Variants in DUSP10 observed in about 807,000 individuals in gnomAD.
DUSP10 encodes the protein dual specificity phosphatase 10, also known as dual specificity protein phosphatase 10.
DUSP10 carries 14 observed loss-of-function variants against 30.8 expected under a neutral mutation model. That is an observed-to-expected ratio of 0.46 (90% CI 0.30 to 0.71). The LOEUF is 0.71. Ranked by LOEUF, DUSP10 falls within the 30% of genes least tolerant of loss-of-function variation. DUSP10 has a pLI of 0.08. For missense variants in DUSP10, 550 were observed against 619.4 expected (o/e 0.89, Z 1.19); for synonymous variants, 254 against 250.4 (o/e 1.01, Z -0.14).
At chr1:221,721,107 G>A (rs1661267945) in intron 2 of DUSP10, among the ~76,000 whole-genome samples, 1 of 152,206 alleles carries the variant, frequency 6.6e-6, no homozygotes, top group Non-Finnish European at 1.5e-5. Context: ...GGCAACAATA[G>A]TTATTGCAAG....
At chr1:221,731,242 A>C (rs954210912) in intron 2 of DUSP10, among the ~76,000 whole-genome samples, 1 of 152,158 alleles carries the variant, frequency 6.6e-6, no homozygotes, top group Admixed American at 6.5e-5. Context: ...TGTCCCTTAT[A>C]CTGGTTTTTA....
rs554984357 is a variant in DUSP10, at chr1:221,717,001, T to G, written c.812-10535A>C. On this transcript the variant is annotated intron_variant, in intron 2 of 3. Coordinates refer to ENST00000366899, the MANE Select transcript of DUSP10 (RefSeq NM_007207.6). ...GCTGCAGAGGCCCCTTCCCTGCCCCTCCCCACTCCATCAGGAGGAAACATA... is the reference window on the plus strand; with the variant it reads ...GCTGCAGAGGCCCCTTCCCTGCCCCGCCCCACTCCATCAGGAGGAAACATA... 4.6e-5 allele frequency among the ~76,000 whole-genome samples: 7 copies of G among 152,166 alleles called. No individual in the cohort carries two copies. The South Asian group carries it at 1.2e-3, about 27-fold the overall frequency.
chr1:221,726,115 C>T (rs191972919), intron 2 of DUSP10, among the ~76,000 whole-genome samples: 28 of 152,248 alleles, frequency 1.8e-4, no homozygotes, highest in Middle Eastern at 3.4e-3. Context: ...AAACTCACAA[C>T]TTTGATAGGT....
chr1:221,702,256 A>T lies in DUSP10; in HGVS notation c.*156T>A. ...TGGCATCAAAAGTTATAGTCTTCTT[A>T]CACTTGTTAAAAATAAAGTGTTTAA... On this transcript the variant is annotated 3_prime_UTR_variant, in exon 4 of 4. Coordinates refer to ENST00000366899, the MANE Select transcript of DUSP10 (RefSeq NM_007207.6). The surrounding 1 kb of genome is among the most constrained non-coding windows in gnomAD (Gnocchi z 4.5). 2.4e-6 allele frequency: 2 copies of T among 830,624 alleles called. No homozygotes were observed. The highest frequency in any genetic ancestry group is 3.7e-6 in the Non-Finnish European group (2 of 537,730). The allele number at this position is 830,624 out of a possible 1,614,324, so 51.5% of individuals were successfully genotyped here. A position where few individuals can be genotyped will look rare whatever the true frequency, so the allele number is the denominator to read the frequency against.
intron 2 of DUSP10, among the ~76,000 whole-genome samples, chr1:221,710,016 G>A (rs903038649): frequency 2.0e-5 from 3 of 152,164 alleles, no homozygotes; most frequent in Non-Finnish European, 2.9e-5. Context: ...TTATGATTCT[G>A]CCTCCTAGCA....
intron 2 of DUSP10, among the ~76,000 whole-genome samples, chr1:221,711,092 G>A (rs1210359272): frequency 6.6e-6 from 1 of 152,188 alleles, no homozygotes; most frequent in Non-Finnish European, 1.5e-5. Context: ...AATACTGCCT[G>A]CCAGTTTCTT....
Position 221,706,584 on chromosome 1 carries a change from A to T in DUSP10, c.812-118T>A, listed in dbSNP as rs1660769239. Reference sequence around the variant, plus strand: ...CATGCATATTTTAAATACATATATAAATATGTATTTAAGCAAAAAAAATAA... The same window carrying T: ...CATGCATATTTTAAATACATATATATATATGTATTTAAGCAAAAAAAATAA... On this transcript the variant is annotated intron_variant, in intron 2 of 3. Transcript: ENST00000366899. This position sits in a 1 kb window ranked among gnomAD's most constrained non-coding sequence, Gnocchi z 4.6. 31 of 644,038 alleles carry T rather than the reference A, an allele frequency of 4.8e-5. No individual in the cohort carries two copies. The highest frequency in any genetic ancestry group is 6.5e-5 in the Non-Finnish European group (28 of 427,722). The allele number at this position is 644,038 out of a possible 1,614,324, so 39.9% of individuals were successfully genotyped here.
intron 2 of DUSP10, among the ~76,000 whole-genome samples, chr1:221,733,780 AT>A (rs779512479): frequency 4.6e-5 from 7 of 152,260 alleles, no homozygotes; most frequent in African/African-American, 7.2e-5. Context: ...GTCAATGGAA[AT>A]GCCTAGATTT....
chr1:221,703,862 A>G (rs1025617596), intron 3 of DUSP10, among the ~76,000 whole-genome samples: 1 of 152,222 alleles, frequency 6.6e-6, no homozygotes. Flanking sequence ...CAGTGGACCA[A>G]GGAAAAAAAA....
intron 3 of DUSP10, among the ~76,000 whole-genome samples, chr1:221,705,586 A>C (rs886096462): frequency 1.3e-5 from 2 of 152,148 alleles, no homozygotes; most frequent in East Asian, 3.9e-4. Flanking sequence ...TTTGGGGCAG[A>C]CTGTCAAAGG....
chr1:221,717,264 G>T (rs1431538151), intron 2 of DUSP10, among the ~76,000 whole-genome samples: 2 of 152,138 alleles, frequency 1.3e-5, no homozygotes, highest in African/African-American at 4.8e-5. Flanking sequence ...CAAATGTGGG[G>T]AGGCACAATG....
chr1:221,708,007 A>C (rs189314562), intron 2 of DUSP10, among the ~76,000 whole-genome samples: 1 of 152,334 alleles, frequency 6.6e-6, no homozygotes, highest in Non-Finnish European at 1.5e-5. Context: ...ATATACATGT[A>C]AGTGCTATAA....
intron 2 of DUSP10, among the ~76,000 whole-genome samples, chr1:221,711,337 G>A (rs777043970): frequency 1.5e-4 from 23 of 152,192 alleles, no homozygotes; most frequent in Non-Finnish European, 3.1e-4. Context: ...TCTAAAGGTG[G>A]ACAGCCCTTT....
At chr1:221,727,833 T>C (rs1385642119) in intron 2 of DUSP10, among the ~76,000 whole-genome samples, 2 of 152,182 alleles carry the variant, frequency 1.3e-5, no homozygotes, top group African/African-American at 4.8e-5. Flanking sequence ...CATGTCCCCC[T>C]CCCTTCCCCT....
Position 221,713,943 on chromosome 1 carries a change from G to A in DUSP10, c.812-7477C>T, listed in dbSNP as rs146550186. ...AAGATCTTCCTGGTGTTTTCCTAGT[G>A]ATAAATGATAGGCTGAAATCATTTC... On this transcript the variant is annotated intron_variant, in intron 2 of 3. Transcript: ENST00000366899. Among the ~76,000 whole-genome samples, 426 of 152,226 alleles carry A rather than the reference G, an allele frequency of 2.8e-3. 2 individuals are homozygous for A. The highest frequency in any genetic ancestry group is 9.9e-3 in the African/African-American group (413 of 41,534).
intron 2 of DUSP10, among the ~76,000 whole-genome samples, chr1:221,727,961 T>G (rs1661471856): frequency 6.6e-6 from 1 of 152,136 alleles, no homozygotes; most frequent in Non-Finnish European, 1.5e-5. Context: ...GATGGGGCCT[T>G]TAAGAGGAGA....
intron 2 of DUSP10, among the ~76,000 whole-genome samples, chr1:221,707,374 C>T (rs7512655): frequency 7.2e-5 from 11 of 152,122 alleles, no homozygotes; most frequent in African/African-American, 2.7e-4. Context: ...GTGAGAGCAG[C>T]GCGGTTGCTT....
intron 2 of DUSP10, among the ~76,000 whole-genome samples, chr1:221,724,779 C>A (rs1558123059): frequency 6.6e-6 from 1 of 152,202 alleles, no homozygotes; most frequent in South Asian, 2.1e-4. Flanking sequence ...GTGCTATAAG[C>A]CACACTACAC....
chr1:221,703,451 T>C (rs1211549435), intron 3 of DUSP10, among the ~76,000 whole-genome samples: 1 of 152,230 alleles, frequency 6.6e-6, no homozygotes, highest in African/African-American at 2.4e-5. Context: ...ACTAGGAAGA[T>C]ACTATGTTCA....
Sources: allele counts gnomAD v4.1 joint callset (sites outside exome capture counted in the v4.1 genomes callset), GRCh38; gene constraint gnomAD v4.1.1; non-coding constraint Gnocchi (gnomAD v3.1); transcripts MANE v1.5; gene names NCBI Gene and HGNC (gene_info 2026-07-23, HGNC 2026-07-21).